GPR89A: variants seen among roughly 807,000 people sequenced by gnomAD.
The protein encoded by GPR89A is G protein-coupled receptor 89A.
A neutral mutation model predicts 52.0 loss-of-function variants in GPR89A; 16 were observed. The ratio of observed to expected loss-of-function variants is 0.31; its 90% confidence interval spans 0.21 to 0.47. GPR89A has a LOEUF of 0.47. GPR89A is among the 20% of genes least tolerant of loss of function. The pLI is 1.00. For synonymous variants in GPR89A, 55 were observed against 150.9 expected (o/e 0.36, Z 4.66); for missense variants, 135 against 449.4 (o/e 0.30, Z 6.33).
At chr1:145,610,751 A>G (rs1202063698) in intron 1 of GPR89A, among the ~76,000 whole-genome samples, 4 of 152,198 alleles carry the variant, frequency 2.6e-5, no homozygotes, top group Admixed American at 2.0e-4. Flanking sequence ...TTAGGCACTA[A>G]TAAATATTTG....
At chr1:145,652,937 C>T (rs1553693788) in intron 10 of GPR89A, among the ~76,000 whole-genome samples, 1 of 121,454 alleles carries the variant, frequency 8.2e-6, no homozygotes, top group African/African-American at 4.3e-5. Context: ...CTCCTGGATT[C>T]GTTGATTTTT....
chr1:145,613,370 C>CT, intron 1 of GPR89A, among the ~76,000 whole-genome samples: 1 of 152,072 alleles, frequency 6.6e-6, no homozygotes, highest in African/African-American at 2.4e-5. Context: ...TAATTCAGGG[C>CT]TTTATCATCT....
At chr1:145,637,000 T>C (rs1263264616) in intron 7 of GPR89A, among the ~76,000 whole-genome samples, 4 of 152,110 alleles carry the variant, frequency 2.6e-5, no homozygotes, top group Non-Finnish European at 4.4e-5. Flanking sequence ...TATAAACCCT[T>C]CCCAAATCTC....
chr1:145,657,729 C>T (rs1461369387), intron 10 of GPR89A, among the ~76,000 whole-genome samples: 1 of 149,066 alleles, frequency 6.7e-6, no homozygotes, highest in Non-Finnish European at 1.5e-5. Flanking sequence ...ATTTGGGTCT[C>T]AAGGAATTTG....
At chr1:145,619,269 T>G (rs1215004741) in intron 3 of GPR89A, among the ~76,000 whole-genome samples, 4 of 147,046 alleles carry the variant, frequency 2.7e-5, no homozygotes, top group Non-Finnish European at 6.0e-5. Context: ...AAAAACTTAC[T>G]ATACAGATGG....
rs1255827215 is a variant in GPR89A at position 145,670,476 on chromosome 1, C to T, written c.*436C>T. ...CAGAGACTGTAACACTTTTGCCTTACGTTCATTTTATCAAGCATAGCTTGG... is the reference window on the plus strand; with the variant it reads ...CAGAGACTGTAACACTTTTGCCTTATGTTCATTTTATCAAGCATAGCTTGG... On this transcript the variant is annotated 3_prime_UTR_variant, in exon 14 of 14. Transcript: ENST00000313835. 7 of 270,664 alleles carry T rather than the reference C, an allele frequency of 2.6e-5. No homozygotes were observed. In the East Asian group the frequency reaches 4.9e-4, roughly 19 times the overall value. 16.8% of individuals were successfully genotyped at this position (270,664 alleles called of 1,614,324 possible).
chr1:145,656,520 C>T lies in GPR89A; in HGVS notation c.910-6809C>T, dbSNP rs587606495. 6.0e-3 allele frequency among the ~76,000 whole-genome samples: 909 copies of T among 152,270 alleles called. 11 individuals are homozygous for T. Among genetic ancestry groups the T allele is most frequent in the Middle Eastern group, 6.8e-3 (2 of 294 alleles). ...CAGTCCCAATGAGAGAACCTGGTTACCTCAGCCTGAAAGTGCAACATTCAC... is the reference window on the plus strand; with the variant it reads ...CAGTCCCAATGAGAGAACCTGGTTATCTCAGCCTGAAAGTGCAACATTCAC... On this transcript the variant is annotated intron_variant, in intron 10 of 13. Coordinates refer to ENST00000313835, the MANE Select transcript of GPR89A (RefSeq NM_001097612.2).
intron 10 of GPR89A, among the ~76,000 whole-genome samples, chr1:145,658,457 C>T (rs1240137101): frequency 6.7e-6 from 1 of 149,472 alleles, no homozygotes; most frequent in African/African-American, 2.4e-5. Flanking sequence ...CCCTCCCCGA[C>T]ACACACACAC....
At chr1:145,613,020 A>G (rs1357844661) in intron 1 of GPR89A, among the ~76,000 whole-genome samples, 1 of 151,634 alleles carries the variant, frequency 6.6e-6, no homozygotes, top group Non-Finnish European at 1.5e-5. Flanking sequence ...TCTAGATACT[A>G]TTCCCAGGTG....
intron 5 of GPR89A, among the ~76,000 whole-genome samples, chr1:145,627,031 T>G (rs1391270716): frequency 2.0e-5 from 3 of 152,138 alleles, no homozygotes; most frequent in Non-Finnish European, 4.4e-5. Context: ...GTGCGGTGTC[T>G]GAACCAACCT....
chr1:145,608,264 G>A, intron 1 of GPR89A, 89 bp downstream of exon 1: 5 of 1,556,934 alleles, frequency 3.2e-6, no homozygotes, highest in Non-Finnish European at 3.5e-6. Context: ...CTGGTCCGGG[G>A]TCTCGCTCCT....
At chr1:145,613,739 GTCC>G (rs1466888761) in intron 1 of GPR89A, among the ~76,000 whole-genome samples, 2 of 150,768 alleles carry the variant, frequency 1.3e-5, no homozygotes, top group African/African-American at 4.9e-5. Flanking sequence ...GGAAAGCCCT[GTCC>G]TCCTACCCCT....
chr1:145,662,379 A>T (rs1652261719), intron 10 of GPR89A, among the ~76,000 whole-genome samples: 1 of 151,976 alleles, frequency 6.6e-6, no homozygotes, highest in Non-Finnish European at 1.5e-5. Context: ...TATGAAATCT[A>T]CTTTGTCCGA....
chr1:145,611,397 T>TGA (rs1166227815), intron 1 of GPR89A: 1 of 151,450 alleles, frequency 6.6e-6, no homozygotes, highest in Non-Finnish European at 1.5e-5. Flanking sequence ...TTTATGTTGG[T>TGA]GAGTACCCAA....
Position 145,608,032 on chromosome 1 carries a change from G to C in GPR89A, c.-102G>C, listed in dbSNP as rs1647916816. On this transcript the variant is annotated 5_prime_UTR_variant, in exon 1 of 14. Coordinates refer to ENST00000313835, the MANE Select transcript of GPR89A (RefSeq NM_001097612.2). ...CTGGAGAGCCGCAGTCCCGGCTGCA[G>C]CACCTGGGAGAAGGCAGACCGTGTG... 2.1e-6 allele frequency: 3 copies of C among 1,417,728 alleles called. No homozygotes were observed. The African/African-American group carries it at 4.3e-5, about 21-fold the overall frequency. 87.8% of individuals were successfully genotyped at this position (1,417,728 alleles called of 1,614,324 possible). A position where few individuals can be genotyped will look rare whatever the true frequency, so the allele number is the denominator to read the frequency against.
chr1:145,649,694 G>A (rs1651317694), intron 10 of GPR89A, among the ~76,000 whole-genome samples: 4 of 151,244 alleles, frequency 2.6e-5, no homozygotes, highest in Non-Finnish European at 5.9e-5. Flanking sequence ...TCATATGGCA[G>A]ATGTAATGTT....
At chr1:145,667,348 A>AT (rs1652636341) in intron 12 of GPR89A, among the ~76,000 whole-genome samples, 1 of 151,918 alleles carries the variant, frequency 6.6e-6, no homozygotes, top group Non-Finnish European at 1.5e-5. Flanking sequence ...GATGATCAGC[A>AT]TTTTTTCATG....
chr1:145,608,092 G>C lies in GPR89A; in HGVS notation c.-42G>C. ...GTGGCCCCAGCGTGCTGTGGCCTCG[G>C]GGAGTGGGAAGTGGAGGCAGGAGCC... On this transcript the variant is annotated 5_prime_UTR_variant, in exon 1 of 14. Coordinates refer to ENST00000313835, the MANE Select transcript of GPR89A (RefSeq NM_001097612.2). The C allele has an allele frequency of 1.2e-6, 2 of 1,613,002 alleles. No homozygotes were observed. The highest frequency in any genetic ancestry group is 1.7e-6 in the Non-Finnish European group (2 of 1,179,306).
intron 1 of GPR89A, among the ~76,000 whole-genome samples, chr1:145,615,065 G>C (rs1648573697): frequency 6.6e-6 from 1 of 152,198 alleles, no homozygotes; most frequent in Non-Finnish European, 1.5e-5. Context: ...GTGTCAGTGT[G>C]TATGTATAGA....
Sources: gnomAD v4.1 joint callset for allele counts (sites outside exome capture counted in the v4.1 genomes callset) on GRCh38, gnomAD v4.1.1 for gene constraint, MANE v1.5 for transcripts, NCBI Gene and HGNC (gene_info 2026-07-23, HGNC 2026-07-21) for gene names.